The following ABCA1 variants were observed in gnomAD, a reference collection of about 807,000 sequenced individuals.
The protein encoded by ABCA1 is phospholipid-transporting ATPase ABCA1.
ABCA1 carries 133 observed loss-of-function variants against 262.5 expected under a neutral mutation model. That is an observed-to-expected ratio of 0.51 (90% CI 0.44 to 0.59). The LOEUF is 0.59. Among genes scored for constraint, ABCA1 ranks in the 20% least tolerant of loss-of-function variants. ABCA1 has a pLI of 0.00. For missense variants in ABCA1, 2,452 were observed against 2,777.5 expected (o/e 0.88, Z 2.63); for synonymous variants, 1,022 against 1,043.5 (o/e 0.98, Z 0.40).
At chr9:104,835,069 G>A (rs576823637) in intron 11 of ABCA1, among the ~76,000 whole-genome samples, 2 of 152,156 alleles carry the variant, frequency 1.3e-5, no homozygotes, top group East Asian at 1.9e-4. Context: ...CCAACATGGT[G>A]AAATCCCATC....
chr9:104,863,825 A>G (rs1487964976), intron 5 of ABCA1, among the ~76,000 whole-genome samples: 1 of 152,156 alleles, frequency 6.6e-6, no homozygotes, highest in East Asian at 1.9e-4. Flanking sequence ...TTCCCATCAC[A>G]TGTGACTCTA....
intron 12 of ABCA1, 90 bp downstream of exon 12, chr9:104,832,484 C>T: frequency 1.4e-6 from 2 of 1,410,354 alleles, no homozygotes; most frequent in Non-Finnish European, 2.0e-6. Context: ...TACATTATTT[C>T]TAAACTTGCC....
At chr9:104,889,314 T>C in intron 2 of ABCA1, 119 bp from the exon 3 acceptor site, 1 of 1,535,448 alleles carries the variant, frequency 6.5e-7, no homozygotes, top group Non-Finnish European at 8.8e-7. Flanking sequence ...TTCTCCAGTC[T>C]CTCCCACCAC....
chr9:104,789,616 G>A (rs1338080068), intron 44 of ABCA1, among the ~76,000 whole-genome samples: 1 of 152,196 alleles, frequency 6.6e-6, no homozygotes, highest in African/African-American at 2.4e-5. Flanking sequence ...GTATAAGGTA[G>A]AATAAGAAAT....
intron 14 of ABCA1, among the ~76,000 whole-genome samples, chr9:104,829,420 T>C (rs1454776821): frequency 6.6e-6 from 1 of 152,240 alleles, no homozygotes; most frequent in Non-Finnish European, 1.5e-5. Context: ...AGGTAGATTA[T>C]GTTAAAGTAC....
intron 18 of ABCA1, 130 bp downstream of exon 18, chr9:104,824,335 C>T: frequency 6.6e-7 from 1 of 1,526,700 alleles, no homozygotes; most frequent in South Asian, 1.2e-5. Flanking sequence ...AGGGACACTG[C>T]ATGTGATTTC....
At position 104,882,050 on chromosome 9, in the gene ABCA1, A is replaced by C. The variant is rs922913946; in HGVS notation, c.421+989T>G. Among the ~76,000 whole-genome samples the C allele has an allele frequency of 2.9e-3, 421 of 147,382 alleles. 3 individuals are homozygous for C. Among genetic ancestry groups the C allele is most frequent in the Middle Eastern group, 0.014 (4 of 284 alleles). ...CCTTAAAAAAAAAAAAAAAAAAAAAAAAAAAAACTCAAATCTGAGTCTGGT... is the reference window on the plus strand; with the variant it reads ...CCTTAAAAAAAAAAAAAAAAAAAAACAAAAAAACTCAAATCTGAGTCTGGT... On this transcript the variant is annotated intron_variant, in intron 5 of 49. Coordinates refer to ENST00000374736, the MANE Select transcript of ABCA1 (RefSeq NM_005502.4).
At chr9:104,787,313 C>T (rs1829016209) in intron 46 of ABCA1, among the ~76,000 whole-genome samples, 1 of 151,760 alleles carries the variant, frequency 6.6e-6, no homozygotes, top group African/African-American at 2.4e-5. Flanking sequence ...TGTCTGAAAC[C>T]TCTATTGAAG....
intron 1 of ABCA1, among the ~76,000 whole-genome samples, chr9:104,927,226 A>AG (rs1826421699): frequency 6.7e-6 from 1 of 149,990 alleles, no homozygotes; most frequent in African/African-American, 2.5e-5. Context: ...AAAAAGAAAA[A>AG]GAAAAGGAAA....
intron 5 of ABCA1, among the ~76,000 whole-genome samples, chr9:104,872,727 A>G (rs1837734828): frequency 6.6e-6 from 1 of 152,242 alleles, no homozygotes; most frequent in Non-Finnish European, 1.5e-5. Context: ...GAAATGGGAA[A>G]GCTTTCAATG....
At chr9:104,886,220 C>G (rs1839159657) in intron 3 of ABCA1, among the ~76,000 whole-genome samples, 1 of 152,220 alleles carries the variant, frequency 6.6e-6, no homozygotes, top group South Asian at 2.1e-4. Flanking sequence ...GCTACCACCT[C>G]CCTCCAAAGT....
At chr9:104,842,538 AG>A (rs1359274387) in intron 8 of ABCA1, among the ~76,000 whole-genome samples, 3 of 152,132 alleles carry the variant, frequency 2.0e-5, no homozygotes, top group Non-Finnish European at 1.5e-5. Flanking sequence ...CACCCGTTTC[AG>A]GGGTAAACTC....
At chr9:104,865,837 A>G (rs1245977449) in intron 5 of ABCA1, among the ~76,000 whole-genome samples, 1 of 152,234 alleles carries the variant, frequency 6.6e-6, no homozygotes, top group Non-Finnish European at 1.5e-5. Context: ...TTACCAATGT[A>G]CAACAATGCC....
intron 3 of ABCA1, among the ~76,000 whole-genome samples, chr9:104,885,765 G>A (rs947278689): frequency 2.6e-5 from 4 of 152,088 alleles, no homozygotes; most frequent in African/African-American, 9.7e-5. Context: ...TTAACCCAAG[G>A]ACCTGTTCAG....
chr9:104,817,476 G>C lies in ABCA1; in HGVS notation c.3463-72C>G, dbSNP rs556093145. The C allele has an allele frequency of 2.6e-6, 4 of 1,520,858 alleles. No individual in the cohort carries two copies. In the African/African-American group the frequency reaches 5.5e-5, roughly 21 times the overall value. 94.2% of individuals were successfully genotyped at this position (1,520,858 alleles called of 1,614,324 possible). On this transcript the variant is annotated intron_variant, in intron 23 of 49. Coordinates refer to ENST00000374736, the MANE Select transcript of ABCA1 (RefSeq NM_005502.4). This position sits in a 1 kb window ranked among gnomAD's most constrained non-coding sequence, Gnocchi z 4.7. ...CAGAGCCACCAGCACCTTCGCCGGGGAGGGCTTCCAAGAAGCTCTGTTGTG... is the reference window on the plus strand; with the variant it reads ...CAGAGCCACCAGCACCTTCGCCGGGCAGGGCTTCCAAGAAGCTCTGTTGTG...
intron 30 of ABCA1, among the ~76,000 whole-genome samples, chr9:104,807,618 A>T (rs890179168): frequency 9.9e-5 from 15 of 152,002 alleles, no homozygotes; most frequent in Non-Finnish European, 2.2e-4. Flanking sequence ...GTTCAAGACC[A>T]TCCTGTCCAA....
Position 104,911,251 on chromosome 9 carries a change from C to T in ABCA1, c.-92-7480G>A, listed in dbSNP as rs138067407. Among the ~76,000 whole-genome samples, 23 of 152,260 alleles carry T rather than the reference C, an allele frequency of 1.5e-4. No individual in the cohort carries two copies. The East Asian group carries it at 4.4e-3, about 29-fold the overall frequency. ...ACAAAAGCAAGAATCACAGATATGACTCATGTGCCTCATCTCCAGAGAGAT... is the reference window on the plus strand; with the variant it reads ...ACAAAAGCAAGAATCACAGATATGATTCATGTGCCTCATCTCCAGAGAGAT... On this transcript the variant is annotated intron_variant, in intron 1 of 49. Coordinates refer to ENST00000374736, the MANE Select transcript of ABCA1 (RefSeq NM_005502.4).
At position 104,800,438 on chromosome 9, in the gene ABCA1, G is replaced by C. The variant is rs1312262515; in HGVS notation, c.4773+72C>G. 3.4e-6 allele frequency: 5 copies of C among 1,462,420 alleles called. No homozygotes were observed. The Admixed American group carries it at 8.4e-5, about 24-fold the overall frequency. The allele number at this position is 1,462,420 out of a possible 1,614,324, so 90.6% of individuals were successfully genotyped here. ...AATGCCCCTGCCAACTTTACCATGA[G>C]TTGAAAGTACTCCAGGAAACATAAG... On this transcript the variant is annotated intron_variant, in intron 35 of 49. Coordinates refer to ENST00000374736, the MANE Select transcript of ABCA1 (RefSeq NM_005502.4).
chr9:104,817,936 A>G lies in ABCA1; in HGVS notation c.3463-532T>C, dbSNP rs559688851. On this transcript the variant is annotated intron_variant, in intron 23 of 49. Coordinates refer to ENST00000374736, the MANE Select transcript of ABCA1 (RefSeq NM_005502.4). The surrounding 1 kb of genome is among the most constrained non-coding windows in gnomAD (Gnocchi z 4.7). ...GGATAGGAGTTTCAGGTTGGGATGT[A>G]AATACATTAGGTACCACTGGCTTCA... Among the ~76,000 whole-genome samples the G allele has an allele frequency of 3.3e-5, 5 of 152,316 alleles. No homozygotes were observed. Among genetic ancestry groups the G allele is most frequent in the Admixed American group, 3.3e-4 (5 of 15,306 alleles).
Sources: gnomAD v4.1 joint callset for allele counts (sites outside exome capture counted in the v4.1 genomes callset) on GRCh38, gnomAD v4.1.1 for gene constraint, Gnocchi (gnomAD v3.1) non-coding constraint, MANE v1.5 for transcripts, NCBI Gene and HGNC (gene_info 2026-07-23, HGNC 2026-07-21) for gene names.